The following XPO1 variants were observed in gnomAD, a reference collection of about 807,000 sequenced individuals.
XPO1 encodes the protein exportin-1.
A neutral mutation model predicts 133.3 loss-of-function variants in XPO1; 5 were observed. The observed-to-expected ratio is 0.04, with a 90% CI of 0.02 to 0.08. The LOEUF (loss-of-function observed/expected upper bound fraction) is 0.08, where lower values mean the gene tolerates loss of function less well. Among genes scored for constraint, XPO1 ranks in the 10% least tolerant of loss-of-function variants. The pLI is 1.00. For missense variants in XPO1, 506 were observed against 1,267.5 expected, an observed-to-expected ratio of 0.40 and a Z score of 9.12; for synonymous variants, 419 against 408.2, an observed-to-expected ratio of 1.03 and a Z score of -0.32.
chr2:61,480,684 T>C (rs1328691486), intron 24 of XPO1: 1 of 152,196 alleles, frequency 6.6e-6, no homozygotes, highest in African/African-American at 2.4e-5. Flanking sequence ...AGAGACTAAT[T>C]CTTATTCAAC....
At chr2:61,482,059 C>CTTTTTTTTTTTTTTTTTT (rs1273871116) in intron 23 of XPO1, among the ~76,000 whole-genome samples, 345 of 40,982 alleles carry the variant, frequency 8.4e-3, no homozygotes, top group Non-Finnish European at 9.9e-3. Flanking sequence ...TTTTTTTTTG[C>CTTTTTTTTTTTTTTTTTT]TTTTTTAAAG....
At chr2:61,490,185 G>A (rs545002291) in intron 17 of XPO1, among the ~76,000 whole-genome samples, 10 of 142,626 alleles carry the variant, frequency 7.0e-5, no homozygotes, top group African/African-American at 1.8e-4. Flanking sequence ...CACCGAGCCC[G>A]GCCCAGATTT....
At chr2:61,512,172 C>T (rs1698129399) in intron 4 of XPO1, among the ~76,000 whole-genome samples, 1 of 152,172 alleles carries the variant, frequency 6.6e-6, no homozygotes, top group African/African-American at 2.4e-5. Flanking sequence ...TTTTTGCTCC[C>T]ATCTCTAACA....
intron 24 of XPO1, among the ~76,000 whole-genome samples, chr2:61,479,889 C>T (rs184687325): frequency 4.0e-5 from 6 of 151,366 alleles, no homozygotes; most frequent in Admixed American, 6.6e-5. Flanking sequence ...TTTTGAGAGG[C>T]AGTCTTGCTC....
At chr2:61,522,868 C>T (rs1228133035) in intron 3 of XPO1, among the ~76,000 whole-genome samples, 185 bp from the exon 4 acceptor site, 1 of 152,152 alleles carries the variant, frequency 6.6e-6, no homozygotes, top group Non-Finnish European at 1.5e-5. Flanking sequence ...CATGCATTTT[C>T]CTCATTTTAT....
chr2:61,503,158 T>C (rs988986530), intron 4 of XPO1, among the ~76,000 whole-genome samples: 1 of 152,068 alleles, frequency 6.6e-6, no homozygotes, highest in Non-Finnish European at 1.5e-5. Context: ...GGTTTCACCA[T>C]GTTGGCCAGG....
chr2:61,479,036 G>A (rs1573090919), intron 24 of XPO1, 70 bp from the exon 25 acceptor site: 4 of 1,547,408 alleles, frequency 2.6e-6, no homozygotes, highest in East Asian at 2.3e-5. Context: ...TCATAGATGA[G>A]CAATTTCCTT....
chr2:61,534,924 A>G (rs1469344734), intron 1 of XPO1, among the ~76,000 whole-genome samples: 1 of 152,110 alleles, frequency 6.6e-6, no homozygotes, highest in Non-Finnish European at 1.5e-5. Flanking sequence ...ATGATCTAGG[A>G]AAAAAAACTT....
intron 4 of XPO1, among the ~76,000 whole-genome samples, chr2:61,515,406 G>A (rs115739814): frequency 0.014 from 2,090 of 152,256 alleles, 62 homozygotes; most frequent in African/African-American, 0.048. Context: ...TGAAAAAATT[G>A]TAAAGGACAC....
intron 19 of XPO1, 23 bp downstream of exon 19, chr2:61,488,142 A>G: frequency 6.2e-7 from 1 of 1,603,024 alleles, no homozygotes; most frequent in Non-Finnish European, 8.5e-7. Context: ...CTAGAAATCA[A>G]AAGCAAAGCA....
intron 4 of XPO1, among the ~76,000 whole-genome samples, chr2:61,506,054 A>G (rs1424717844): frequency 6.6e-6 from 1 of 152,160 alleles, no homozygotes; most frequent in Non-Finnish European, 1.5e-5. Context: ...ATCAAGTACC[A>G]TTGTTCATTC....
chr2:61,521,511 C>T (rs1698688205), intron 4 of XPO1, among the ~76,000 whole-genome samples: 1 of 152,080 alleles, frequency 6.6e-6, no homozygotes, highest in African/African-American at 2.4e-5. Flanking sequence ...ATCAAAGAAT[C>T]CCAAGAAACT....
At chr2:61,504,503 G>A (rs944837891) in intron 4 of XPO1, among the ~76,000 whole-genome samples, 4 of 152,012 alleles carry the variant, frequency 2.6e-5, no homozygotes, top group Admixed American at 6.6e-5. Context: ...TTCACTTTAC[G>A]CTTTGTCACC....
In XPO1 at chr2:61,535,559, T is replaced by C. The variant is rs998962606; in HGVS notation, c.-6-1656A>G. 2.6e-5 allele frequency among the ~76,000 whole-genome samples: 4 copies of C among 152,218 alleles called. No homozygotes were observed. The South Asian group carries it at 8.3e-4, about 31-fold the overall frequency. ...AGCTTAAAAATGTCCATAACAATAA[T>C]GGCAGCAAATTCTATTTTAATGCAA... On this transcript the variant is annotated intron_variant, in intron 1 of 24. Transcript: ENST00000401558.
chr2:61,500,215 G>A (rs1461698435), intron 6 of XPO1, among the ~76,000 whole-genome samples: 1 of 152,046 alleles, frequency 6.6e-6, no homozygotes, highest in Non-Finnish European at 1.5e-5. Context: ...TTGCGCGGTT[G>A]CTCATGCCTG....
chr2:61,517,906 C>A (rs1295188785), intron 4 of XPO1, among the ~76,000 whole-genome samples: 1 of 151,980 alleles, frequency 6.6e-6, no homozygotes, highest in Non-Finnish European at 1.5e-5. Flanking sequence ...GGGTGAGGAT[C>A]ACCTGAAGTC....
At chr2:61,499,004 C>A (rs2104497159) in intron 7 of XPO1, 91 bp from the exon 8 acceptor site, 1 of 1,382,982 alleles carries the variant, frequency 7.2e-7, no homozygotes, top group South Asian at 1.5e-5. Context: ...GATTAAAGCC[C>A]AGTACAGTGG....
intron 4 of XPO1, among the ~76,000 whole-genome samples, chr2:61,520,978 GTATGAAGGACC>G (rs1276619242): frequency 6.6e-6 from 1 of 152,150 alleles, no homozygotes; most frequent in African/African-American, 2.4e-5. Flanking sequence ...GAAGAATAAA[GTATGAAGGACC>G]TACTTGGACC....
intron 4 of XPO1, among the ~76,000 whole-genome samples, chr2:61,504,013 C>G (rs773110783): frequency 2.0e-5 from 3 of 152,178 alleles, no homozygotes; most frequent in Admixed American, 6.5e-5. Flanking sequence ...CCACTGCACT[C>G]CAGCCTGGGC....
Sources: gnomAD v4.1 joint callset for allele counts (sites outside exome capture counted in the v4.1 genomes callset) on GRCh38, gnomAD v4.1.1 for gene constraint, MANE v1.5 for transcripts, NCBI Gene and HGNC (gene_info 2026-07-23, HGNC 2026-07-21) for gene names.